Variants in ZFAND5 observed in about 807,000 individuals in gnomAD.
ZFAND5 encodes the protein zinc finger AN1-type containing 5, also known as AN1-type zinc finger protein 5.
In ZFAND5, 4 loss-of-function variants were observed where a neutral mutation model predicts 23.6. The observed-to-expected ratio is 0.17, with a 90% CI of 0.08 to 0.39. The LOEUF (loss-of-function observed/expected upper bound fraction) is 0.39, where lower values mean the gene tolerates loss of function less well. Among genes scored for constraint, ZFAND5 ranks in the 10% least tolerant of loss-of-function variants. ZFAND5 has a pLI of 1.00. For missense variants in ZFAND5, 161 were observed against 253.7 expected (o/e 0.63, Z 2.48); for synonymous variants, 68 against 80.6 (o/e 0.84, Z 0.84).
Position 72,351,413 on chromosome 9 carries a change from T to C in ZFAND5, c.*4540A>G, listed in dbSNP as rs1408700185. 1 of 152,198 alleles carries C rather than the reference T, an allele frequency of 6.6e-6. No homozygotes were observed. Among genetic ancestry groups the C allele is most frequent in the Non-Finnish European group, 1.5e-5 (1 of 68,036 alleles). 9.4% of individuals were successfully genotyped at this position (152,198 alleles called of 1,614,324 possible). Reference sequence around the variant, plus strand: ...CAGACAAAATGGAGTCTTACATTTATGGCACAAAACAAAACAAAAAAAGTC... The same window carrying C: ...CAGACAAAATGGAGTCTTACATTTACGGCACAAAACAAAACAAAAAAAGTC... On this transcript the variant is annotated 3_prime_UTR_variant, in exon 7 of 7. Coordinates refer to ENST00000376962, the MANE Select transcript of ZFAND5 (RefSeq NM_001102420.3).
chr9:72,352,488 T>C lies in ZFAND5; in HGVS notation c.*3465A>G, dbSNP rs978433046. 1.3e-5 allele frequency: 2 copies of C among 152,234 alleles called. No individual in the cohort carries two copies. The highest frequency in any genetic ancestry group is 2.9e-5 in the Non-Finnish European group (2 of 68,048). The allele number at this position is 152,234 out of a possible 1,614,324, so 9.4% of individuals were successfully genotyped here. A position where few individuals can be genotyped will look rare whatever the true frequency, so the allele number is the denominator to read the frequency against. On this transcript the variant is annotated 3_prime_UTR_variant, in exon 7 of 7. Coordinates refer to ENST00000376962, the MANE Select transcript of ZFAND5 (RefSeq NM_001102420.3). The stretch of plus-strand genomic sequence containing the variant: ...GAGAGGCTTTGCTTCTCAGTGTGTA[T>C]TGATAAATCCATGTGAATGTTATTA...
At chr9:72,359,325 T>A in intron 5 of ZFAND5, 93 bp downstream of exon 5, 3 of 1,250,116 alleles carry the variant, frequency 2.4e-6, no homozygotes, top group Non-Finnish European at 2.3e-6. Context: ...TCCCTCCTCT[T>A]TGGTCCTTCA....
At position 72,353,535 on chromosome 9, in the gene ZFAND5, G is replaced by T. The variant is rs141098832; in HGVS notation, c.*2418C>A. The T allele has an allele frequency of 6.6e-6, 1 of 152,234 alleles. No individual in the cohort carries two copies. Among genetic ancestry groups the T allele is most frequent in the East Asian group, 1.9e-4 (1 of 5,194 alleles). The allele number at this position is 152,234 out of a possible 1,614,324, so 9.4% of individuals were successfully genotyped here. ...TTAAAAATACAAAAATTAGCTGGGC[G>T]TGGTGGCTGGTGCCTGTGATCCCAG... is the stretch of plus-strand genomic sequence containing the variant. On this transcript the variant is annotated 3_prime_UTR_variant, in exon 7 of 7. Coordinates refer to ENST00000376962, the MANE Select transcript of ZFAND5 (RefSeq NM_001102420.3).
Position 72,351,465 on chromosome 9 carries a change from G to A in ZFAND5, c.*4488C>T, listed in dbSNP as rs904333434. The A allele has an allele frequency of 6.6e-6, 1 of 152,114 alleles. No homozygotes were observed. Among genetic ancestry groups the A allele is most frequent in the South Asian group, 2.1e-4 (1 of 4,828 alleles). 9.4% of individuals were successfully genotyped at this position (152,114 alleles called of 1,614,324 possible). A position where few individuals can be genotyped will look rare whatever the true frequency, so the allele number is the denominator to read the frequency against. Reference sequence around the variant, plus strand: ...TACATTTATTAACTTTACTTCTATGGCTGTAACAGAAATACTCTGGAAGAA... The same window carrying A: ...TACATTTATTAACTTTACTTCTATGACTGTAACAGAAATACTCTGGAAGAA... On this transcript the variant is annotated 3_prime_UTR_variant, in exon 7 of 7. Coordinates refer to ENST00000376962, the MANE Select transcript of ZFAND5 (RefSeq NM_001102420.3).
At chr9:72,358,495 C>A (rs779201487) in intron 5 of ZFAND5, among the ~76,000 whole-genome samples, 41 of 152,070 alleles carry the variant, frequency 2.7e-4, no homozygotes, top group Admixed American at 9.2e-4. Flanking sequence ...CTTCCAAGGT[C>A]AGAGTAATTT....
intron 5 of ZFAND5, among the ~76,000 whole-genome samples, chr9:72,357,823 C>CTAAAAAA (rs1405663702): frequency 2.0e-5 from 3 of 152,186 alleles, no homozygotes; most frequent in South Asian, 4.1e-4. Flanking sequence ...GTTTCTCCAC[C>CTAAAAAA]TAAAAAGGCT....
At chr9:72,356,226 T>C (rs1841937863) in intron 6 of ZFAND5, 125 bp from the exon 7 acceptor site, 3 of 1,142,998 alleles carry the variant, frequency 2.6e-6, no homozygotes, top group African/African-American at 3.2e-5. Context: ...AGTGAACTCT[T>C]TTCTTCCACT....
intron 5 of ZFAND5, 95 bp from the exon 6 acceptor site, chr9:72,357,151 G>C: frequency 7.0e-7 from 1 of 1,431,000 alleles, no homozygotes; most frequent in Non-Finnish European, 9.4e-7. Context: ...GAAGATGCCT[G>C]ATAAAAATGT....
intron 5 of ZFAND5, 43 bp downstream of exon 5, chr9:72,359,375 C>T: frequency 1.3e-6 from 2 of 1,590,060 alleles, no homozygotes; most frequent in Non-Finnish European, 1.7e-6. Context: ...ATTTCTTGCA[C>T]TATCAAATTC....
chr9:72,357,298 C>A (rs1841971374), intron 5 of ZFAND5, among the ~76,000 whole-genome samples: 1 of 152,132 alleles, frequency 6.6e-6, no homozygotes, highest in Non-Finnish European at 1.5e-5. Flanking sequence ...TCGCTTCACT[C>A]AAGAAATTCC....
At chr9:72,359,672 C>T in intron 4 of ZFAND5, 151 bp from the exon 5 acceptor site, 2 of 736,910 alleles carry the variant, frequency 2.7e-6, no homozygotes, top group Non-Finnish European at 4.1e-6. Flanking sequence ...AATTGGATGC[C>T]CAGCACAAAT....
chr9:72,356,316 T>C (rs950796513), intron 6 of ZFAND5, among the ~76,000 whole-genome samples: 2 of 152,232 alleles, frequency 1.3e-5, no homozygotes, highest in East Asian at 3.8e-4. Context: ...TCCTTTGACA[T>C]GGTGAGAAAT....
At position 72,355,388 on chromosome 9, in the gene ZFAND5, A is replaced by G. The variant is rs1370972095; in HGVS notation, c.*565T>C. 1 of 152,678 alleles carries G rather than the reference A, an allele frequency of 6.5e-6. No homozygotes were observed. The highest frequency in any genetic ancestry group is 1.9e-4 in the East Asian group (1 of 5,200). 9.5% of individuals were successfully genotyped at this position (152,678 alleles called of 1,614,324 possible). A position where few individuals can be genotyped will look rare whatever the true frequency, so the allele number is the denominator to read the frequency against. On this transcript the variant is annotated 3_prime_UTR_variant, in exon 7 of 7. Coordinates refer to ENST00000376962, the MANE Select transcript of ZFAND5 (RefSeq NM_001102420.3). ...ATGTCTTATTTGACAGCTTTAGATG[A>G]CCAATTTAACCAGGCTTATATATGG...
intron 6 of ZFAND5, 39 bp from the exon 7 acceptor site, chr9:72,356,140 G>C: frequency 6.3e-7 from 1 of 1,576,776 alleles, no homozygotes; most frequent in Non-Finnish European, 8.5e-7. Context: ...GAGAACTTGA[G>C]GCAATTAAAA....
rs1316208986 is a variant in ZFAND5 at position 72,354,070 on chromosome 9, T to C, written c.*1883A>G. The C allele has an allele frequency of 1.3e-5, 2 of 152,130 alleles. No homozygotes were observed. Among genetic ancestry groups the C allele is most frequent in the Non-Finnish European group, 2.9e-5 (2 of 68,024 alleles). The allele number at this position is 152,130 out of a possible 1,614,324, so 9.4% of individuals were successfully genotyped here. ...ACGCTACAGAGACCAAGTCCATGGG[T>C]GAATCTCTGTATTAGAGCCAAACCC... On this transcript the variant is annotated 3_prime_UTR_variant, in exon 7 of 7. Transcript: ENST00000376962.
intron 3 of ZFAND5, 194 bp downstream of exon 3, chr9:72,360,434 G>A (rs1842065773): frequency 1.2e-6 from 1 of 867,650 alleles, no homozygotes; most frequent in Admixed American, 2.9e-5. Context: ...AAAGAAAACT[G>A]AAAAGCTATA....
In ZFAND5 at chr9:72,352,789, C is replaced by G. The variant is rs975953946; in HGVS notation, c.*3164G>C. 2 of 152,214 alleles carry G rather than the reference C, an allele frequency of 1.3e-5. No homozygotes were observed. The highest frequency in any genetic ancestry group is 4.8e-5 in the African/African-American group (2 of 41,454). The allele number at this position is 152,214 out of a possible 1,614,324, so 9.4% of individuals were successfully genotyped here. A position where few individuals can be genotyped will look rare whatever the true frequency, so the allele number is the denominator to read the frequency against. ...CAGAACATTAAGACAATAGCAAATA[C>G]AATGTGCCAGGCACAGTTTTAAGTG... On this transcript the variant is annotated 3_prime_UTR_variant, in exon 7 of 7. Transcript: ENST00000376962.
Position 72,360,797 on chromosome 9 carries a change from A to C in ZFAND5, c.-9-10T>G. 1 of 1,567,978 alleles carries C rather than the reference A, an allele frequency of 6.4e-7. No homozygotes were observed. ...GAGCCATATTTTTCTGCTATAGATG[A>C]AACGAAATTTCAGAAATTAGTGTTA... is the stretch of plus-strand genomic sequence containing the variant. On this transcript the variant is annotated splice_polypyrimidine_tract_variant and intron_variant, in intron 2 of 6. Transcript: ENST00000376962.
At chr9:72,362,676 C>A (rs1269942865) in intron 2 of ZFAND5, among the ~76,000 whole-genome samples, 3 of 152,344 alleles carry the variant, frequency 2.0e-5, no homozygotes, top group African/African-American at 7.2e-5. Context: ...GCGAGACACA[C>A]AAGAGGTACC....
Sources: allele counts gnomAD v4.1 joint callset (sites outside exome capture counted in the v4.1 genomes callset), GRCh38; gene constraint gnomAD v4.1.1; transcripts MANE v1.5; gene names NCBI Gene and HGNC (gene_info 2026-07-23, HGNC 2026-07-21).